SURF1: variants seen among roughly 807,000 people sequenced by gnomAD.
SURF1 encodes the protein surfeit locus protein 1.
A neutral mutation model predicts 34.1 loss-of-function variants in SURF1; 45 were observed. That is an observed-to-expected ratio of 1.32 (90% CI 1.04 to 1.69). The LOEUF is 1.69. SURF1 is among the 40% of genes most tolerant of loss of function. SURF1 has a pLI of 0.00. For missense variants in SURF1, 456 were observed against 384.6 expected (o/e 1.19, Z -1.55); for synonymous variants, 188 against 147.5 (o/e 1.27, Z -1.99).
At chr9:133,352,844 A>T (rs1482486622) in intron 5 of SURF1, 78 bp from the exon 6 acceptor site, 1 of 1,463,894 alleles carries the variant, frequency 6.8e-7, no homozygotes, top group African/African-American at 1.4e-5. Context: ...TCAGGCACCC[A>T]TAGGAACAAC....
chr9:133,352,485 T>C lies in SURF1; in HGVS notation c.712A>G (p.Ile238Val). 2.5e-6 allele frequency: 4 copies of C among 1,614,232 alleles called. No individual in the cohort carries two copies. Among genetic ancestry groups the C allele is most frequent in the Non-Finnish European group, 3.4e-6 (4 of 1,180,052 alleles). Reference protein sequence around the residue: ...HYRDLEAMARITGAEPIFIDA... With the variant: ...HYRDLEAMARVTGAEPIFIDA... Reference sequence around the variant, plus strand: ...ATGAAGATGGGCTCTGCGCCTGTGATTCTGGCCATAGCTTCCAGGTCTCGA... The same window carrying C: ...ATGAAGATGGGCTCTGCGCCTGTGACTCTGGCCATAGCTTCCAGGTCTCGA... The change falls in exon 7 of 9, where the codon ATC (isoleucine) becomes GTC (valine). Residue 238 changes from isoleucine to valine, a missense_variant. Physicochemically the swap from Ile to Val is conservative, Grantham distance 29 (BLOSUM62 3). Transcript: ENST00000371974.
At chr9:133,354,378 G>C (rs1250732208) in intron 4 of SURF1, 1 of 530,686 alleles carries the variant, frequency 1.9e-6, no homozygotes, top group Admixed American at 3.2e-5. Context: ...CAGGGCCTTG[G>C]GCCCTGTGGA....
chr9:133,352,991 C>G (rs1313785613), intron 5 of SURF1, among the ~76,000 whole-genome samples: 5 of 152,208 alleles, frequency 3.3e-5, no homozygotes, highest in Non-Finnish European at 7.3e-5. Context: ...ACCTTTTTAC[C>G]AGTGTGGCTT....
chr9:133,356,477 C>T lies in SURF1; in HGVS notation c.-24G>A. The T allele has an allele frequency of 1.4e-6, 2 of 1,428,064 alleles. No individual in the cohort carries two copies. Among genetic ancestry groups the T allele is most frequent in the Middle Eastern group, 5.0e-4 (2 of 4,020 alleles). 88.5% of individuals were successfully genotyped at this position (1,428,064 alleles called of 1,614,324 possible). A position where few individuals can be genotyped will look rare whatever the true frequency, so the allele number is the denominator to read the frequency against. On this transcript the variant is annotated 5_prime_UTR_variant, in exon 1 of 9. Coordinates refer to ENST00000371974, the MANE Select transcript of SURF1 (RefSeq NM_003172.4). ...ATCGCACCCGGCCCCGCGGGCGCTT[C>T]CGGGACGCAGGAAGCATCTGCATCC... is the stretch of plus-strand genomic sequence containing the variant.
chr9:133,352,150 G>A lies in SURF1; in HGVS notation c.752-8C>T, dbSNP rs2130005144. 1 of 1,589,894 alleles carries A rather than the reference G, an allele frequency of 6.3e-7. No individual in the cohort carries two copies. Among genetic ancestry groups the A allele is most frequent in the Non-Finnish European group, 8.6e-7 (1 of 1,167,242 alleles). Reference sequence around the variant, plus strand: ...CTCCAGGGACTGTGCTCTCTGTGGAGACAGCAGACTCAAGTCCACCCCCTA... The same window carrying A: ...CTCCAGGGACTGTGCTCTCTGTGGAAACAGCAGACTCAAGTCCACCCCCTA... On this transcript the variant is annotated splice_polypyrimidine_tract_variant and splice_region_variant and intron_variant, in intron 7 of 8. Transcript: ENST00000371974.
At chr9:133,356,359 T>TCCCCGCGCCCCGCA (rs1554768996) in intron 1 of SURF1, 39 bp from the exon 2 acceptor site, 13 of 898,886 alleles carry the variant, frequency 1.4e-5, no homozygotes, top group African/African-American at 2.7e-5. Flanking sequence ...CCGGGACCCC[T>TCCCCGCGCCCCGCA]CCCCGCGCCC....
intron 2 of SURF1, 109 bp downstream of exon 2, chr9:133,356,160 G>A: frequency 7.1e-7 from 1 of 1,400,006 alleles, no homozygotes; most frequent in Non-Finnish European, 9.7e-7. Context: ...CCTCCGCTCA[G>A]CCGGCAGTTG....
intron 7 of SURF1, 144 bp downstream of exon 7, chr9:133,352,302 C>G: frequency 6.9e-7 from 1 of 1,449,784 alleles, no homozygotes; most frequent in Non-Finnish European, 9.5e-7. Flanking sequence ...TGCCTAGGTT[C>G]TTTGCTGAGT....
At chr9:133,355,612 A>G (rs1404101866) in intron 2 of SURF1, among the ~76,000 whole-genome samples, 1 of 152,208 alleles carries the variant, frequency 6.6e-6, no homozygotes, top group Non-Finnish European at 1.5e-5. Context: ...GTTACTAAGT[A>G]GCTTAGTCAG....
chr9:133,355,716 G>T (rs371809251), intron 2 of SURF1, among the ~76,000 whole-genome samples: 1 of 152,112 alleles, frequency 6.6e-6, no homozygotes, highest in Non-Finnish European at 1.5e-5. Context: ...ACAACTCATC[G>T]TAAATGTAAA....
intron 7 of SURF1, 135 bp downstream of exon 7, chr9:133,352,311 G>T: frequency 6.7e-7 from 1 of 1,482,744 alleles, no homozygotes; most frequent in Non-Finnish European, 9.3e-7. Flanking sequence ...TCTTTGCTGA[G>T]TTGCTGCCTC....
chr9:133,352,281 C>T lies in SURF1; in HGVS notation c.752-139G>A, dbSNP rs1046564172. 88 of 1,376,836 alleles carry T rather than the reference C, an allele frequency of 6.4e-5. No homozygotes were observed. In the Admixed American group the frequency reaches 7.3e-4, roughly 11 times the overall value. The allele number at this position is 1,376,836 out of a possible 1,614,324, so 85.3% of individuals were successfully genotyped here. A position where few individuals can be genotyped will look rare whatever the true frequency, so the allele number is the denominator to read the frequency against. On this transcript the variant is annotated intron_variant, in intron 7 of 8. Coordinates refer to ENST00000371974, the MANE Select transcript of SURF1 (RefSeq NM_003172.4). ...TTGGGTGACCATCCCCGCCCTTGTC[C>T]GCTCAGTACTTGCCTAGGTTCTTTG... is the stretch of plus-strand genomic sequence containing the variant.
chr9:133,352,055 A>C lies in SURF1; in HGVS notation c.833+6T>G, dbSNP rs2130003997. 1 of 1,612,048 alleles carries C rather than the reference A, an allele frequency of 6.2e-7. No individual in the cohort carries two copies. Among genetic ancestry groups the C allele is most frequent in the South Asian group, 1.1e-5 (1 of 90,616 alleles). ...GGAGGAAGCCAGAGGGCCGCTGGGG[A>C]CTCACCAGGTCACGATGTACTGCAG... is the stretch of plus-strand genomic sequence containing the variant. On this transcript the variant is annotated splice_donor_region_variant and intron_variant, in intron 8 of 8. Transcript: ENST00000371974.
chr9:133,356,122 T>C (rs1351648796), intron 2 of SURF1, 147 bp downstream of exon 2: 2 of 1,095,606 alleles, frequency 1.8e-6, no homozygotes, highest in Admixed American at 4.0e-5. Context: ...GAAAGCATTT[T>C]AATACGGAAC....
At chr9:133,356,090 G>T in intron 2 of SURF1, 179 bp downstream of exon 2, 2 of 851,054 alleles carry the variant, frequency 2.4e-6, no homozygotes, top group Non-Finnish European at 3.7e-6. Flanking sequence ...CTACATGCCC[G>T]GCACACGACC....
In SURF1 at chr9:133,352,734, G is replaced by A; in HGVS notation, c.548C>T (p.Pro183Leu). 2 of 1,612,864 alleles carry A rather than the reference G, an allele frequency of 1.2e-6. No homozygotes were observed. Among genetic ancestry groups the A allele is most frequent in the African/African-American group, 2.7e-5 (2 of 75,032 alleles). ...VTILVNRGFV[P>L]RKKVNPETRQ... ...GGTTTCAGGATTCACTTTCTTCCTG[G>A]GAACGAACCCTCTATTTACCAGGAT... The change falls in exon 6 of 9, where the codon CCC becomes CTC. Residue 183 changes from proline to leucine, a missense_variant. Transcript: ENST00000371974.
At chr9:133,354,565 G>C in intron 4 of SURF1, 94 bp downstream of exon 4, 1 of 1,460,118 alleles carries the variant, frequency 6.8e-7, no homozygotes, top group Non-Finnish European at 9.6e-7. Flanking sequence ...GTGACTAAAA[G>C]TCCCACCAAA....
At position 133,352,067 on chromosome 9, in the gene SURF1, ACGATGTACTG is replaced by A; in HGVS notation, c.817_826del (p.Gln273Ter). The A allele has an allele frequency of 6.2e-7, 1 of 1,611,942 alleles. No individual in the cohort carries two copies. The highest frequency in any genetic ancestry group is 8.5e-7 in the Non-Finnish European group (1 of 1,179,004). ...AGGGCCGCTGGGGACTCACCAGGTC[ACGATGTACTG>A]CAGATGCTCGTTCCTCAGAGTAACT... On this transcript the variant is annotated frameshift_variant, in exon 8 of 9. Coordinates refer to ENST00000371974, the MANE Select transcript of SURF1 (RefSeq NM_003172.4). LOFTEE classifies it low-confidence loss of function (END_TRUNC).
At position 133,351,891 on chromosome 9, in the gene SURF1, C is replaced by G; in HGVS notation, c.*22G>C. The stretch of plus-strand genomic sequence containing the variant: ...CTTGAAATACTGCATTATCCAGGGA[C>G]AGGGCTTCAGCAGCTGATCTGTCAC... On this transcript the variant is annotated 3_prime_UTR_variant, in exon 9 of 9. Transcript: ENST00000371974. 1 of 1,611,338 alleles carries G rather than the reference C, an allele frequency of 6.2e-7. No homozygotes were observed. The highest frequency in any genetic ancestry group is 8.5e-7 in the Non-Finnish European group (1 of 1,178,726).
Sources: gnomAD v4.1 joint callset for allele counts (sites outside exome capture counted in the v4.1 genomes callset) on GRCh38, gnomAD v4.1.1 for gene constraint, MANE v1.5 for transcripts, NCBI Gene and HGNC (gene_info 2026-07-23, HGNC 2026-07-21) for gene names.